Variants in NRCAM observed in about 807,000 individuals in gnomAD.
The protein encoded by NRCAM is NgCAM-related cell adhesion molecule.
A neutral mutation model predicts 156.5 loss-of-function variants in NRCAM; 83 were observed. That is an observed-to-expected ratio of 0.53 (90% CI 0.44 to 0.64). The LOEUF is 0.64. Among genes scored for constraint, NRCAM ranks in the 30% least tolerant of loss-of-function variants. NRCAM has a pLI of 0.00. For missense variants in NRCAM, 1,417 were observed against 1,597.3 expected, an observed-to-expected ratio of 0.89 and a Z score of 1.92; for synonymous variants, 538 against 563.9, an observed-to-expected ratio of 0.95 and a Z score of 0.65.
intron 31 of NRCAM, 76 bp from the exon 32 acceptor site, chr7:108,159,617 G>T: frequency 1.8e-6 from 2 of 1,083,194 alleles, no homozygotes; most frequent in South Asian, 1.3e-5. Context: ...AGCATTCTTT[G>T]AGATATACAG....
chr7:108,375,326 T>A (rs764384194), intron 2 of NRCAM, among the ~76,000 whole-genome samples: 1 of 148,000 alleles, frequency 6.8e-6, no homozygotes, highest in Non-Finnish European at 1.5e-5. Flanking sequence ...CCCCCAAAAA[T>A]AATTAATAAT....
At chr7:108,408,802 A>G (rs1791630825) in intron 1 of NRCAM, among the ~76,000 whole-genome samples, 1 of 152,216 alleles carries the variant, frequency 6.6e-6, no homozygotes, top group Non-Finnish European at 1.5e-5. Context: ...ACTCCCTGAA[A>G]GGGATTAGAA....
At chr7:108,322,829 A>T (rs1329767128) in intron 2 of NRCAM, among the ~76,000 whole-genome samples, 1 of 152,224 alleles carries the variant, frequency 6.6e-6, no homozygotes, top group Non-Finnish European at 1.5e-5. Flanking sequence ...AAAGCTGCCC[A>T]TTTAAAGAGG....
chr7:108,225,606 A>G lies in NRCAM; in HGVS notation c.778+39T>C, dbSNP rs139580930. The stretch of plus-strand genomic sequence containing the variant: ...TGAAGTTAGTGAACTAAATTCTACA[A>G]TGAAGGAGAGAATATCAGTTACAAT... On this transcript the variant is annotated intron_variant, in intron 10 of 32. Transcript: ENST00000379028. The G allele has an allele frequency of 2.1e-3, 2,721 of 1,271,388 alleles. 44 individuals are homozygous for G. The African/African-American group carries it at 0.033, about 15-fold the overall frequency. 78.8% of individuals were successfully genotyped at this position (1,271,388 alleles called of 1,614,324 possible).
rs776631940 is a variant in NRCAM, at chr7:108,425,946, G to A, written c.-331-26353C>T. ...CCACTATTGCTCCTGGCTTTCTTTC[G>A]AGTCTAGAGCAACTGGCCTAAACTG... is the stretch of plus-strand genomic sequence containing the variant. On this transcript the variant is annotated intron_variant, in intron 1 of 32. Coordinates refer to ENST00000379028, the MANE Select transcript of NRCAM (RefSeq NM_001037132.4). 1.2e-4 allele frequency among the ~76,000 whole-genome samples: 18 copies of A among 152,288 alleles called. No individual in the cohort carries two copies. In the South Asian group the frequency reaches 3.1e-3, roughly 26 times the overall value.
chr7:108,280,662 A>C (rs2097822073), intron 3 of NRCAM, among the ~76,000 whole-genome samples: 1 of 152,232 alleles, frequency 6.6e-6, no homozygotes, highest in African/African-American at 2.4e-5. Context: ...ACCGTTGTCC[A>C]TTTTTAACTG....
At chr7:108,293,474 G>A (rs929933789) in intron 3 of NRCAM, among the ~76,000 whole-genome samples, 6 of 152,144 alleles carry the variant, frequency 3.9e-5, no homozygotes, top group Admixed American at 3.9e-4. Flanking sequence ...TTTTAAATCT[G>A]CTAAATTGAC....
intron 3 of NRCAM, among the ~76,000 whole-genome samples, chr7:108,286,678 T>C (rs1389276188): frequency 6.6e-6 from 1 of 152,124 alleles, no homozygotes; most frequent in Non-Finnish European, 1.5e-5. Context: ...AGCTATTAAG[T>C]GGAAGAACCA....
chr7:108,193,805 A>T lies in NRCAM; in HGVS notation c.1778+219T>A, dbSNP rs1454951394. On this transcript the variant is annotated intron_variant, in intron 17 of 32. Coordinates refer to ENST00000379028, the MANE Select transcript of NRCAM (RefSeq NM_001037132.4). ...TGAATTACACAAGAGACCAGCACGC[A>T]AAGATAGACAAACATTCTCAGGGTC... Among the ~76,000 whole-genome samples, 5 of 152,220 alleles carry T rather than the reference A, an allele frequency of 3.3e-5. No individual in the cohort carries two copies. In the East Asian group the frequency reaches 7.7e-4, roughly 23 times the overall value.
chr7:108,419,698 A>G (rs1806632402), intron 1 of NRCAM, among the ~76,000 whole-genome samples: 1 of 152,250 alleles, frequency 6.6e-6, no homozygotes, highest in African/African-American at 2.4e-5. Context: ...TCCACACACA[A>G]AATTCCTTTA....
chr7:108,248,394 A>G (rs1157292635), intron 3 of NRCAM, among the ~76,000 whole-genome samples: 1 of 152,052 alleles, frequency 6.6e-6, no homozygotes, highest in Non-Finnish European at 1.5e-5. Context: ...CGCAGTGTAC[A>G]GGTCAAAATC....
intron 2 of NRCAM, among the ~76,000 whole-genome samples, chr7:108,391,694 T>G (rs1455316922): frequency 6.6e-6 from 1 of 152,194 alleles, no homozygotes; most frequent in East Asian, 1.9e-4. Flanking sequence ...ATTTGGCATG[T>G]TTTTGCAGTG....
At chr7:108,200,804 C>T (rs1031202593) in intron 13 of NRCAM, among the ~76,000 whole-genome samples, 35 of 149,840 alleles carry the variant, frequency 2.3e-4, no homozygotes, top group Non-Finnish European at 8.9e-5. Flanking sequence ...ACTACTCAGC[C>T]ATACAAAGAA....
At chr7:108,252,709 A>T (rs1021628162) in intron 3 of NRCAM, among the ~76,000 whole-genome samples, 12 of 152,190 alleles carry the variant, frequency 7.9e-5, no homozygotes, top group South Asian at 2.1e-4. Flanking sequence ...GTTCTTCTGT[A>T]CAGATTTTAT....
chr7:108,158,849 A>G (rs2047079675), intron 32 of NRCAM, among the ~76,000 whole-genome samples: 3 of 152,288 alleles, frequency 2.0e-5, no homozygotes, highest in Admixed American at 2.0e-4. Context: ...TTTTTAAAAA[A>G]TTTAGCACAT....
chr7:108,245,931 G>A (rs941278064), intron 3 of NRCAM, among the ~76,000 whole-genome samples: 4 of 150,854 alleles, frequency 2.7e-5, no homozygotes, highest in Non-Finnish European at 4.4e-5. Context: ...AGAGATCTAA[G>A]ACAAATGATG....
At chr7:108,184,388 AC>A in intron 21 of NRCAM, 28 bp downstream of exon 21, 1 of 1,613,754 alleles carries the variant, frequency 6.2e-7, no homozygotes, top group Non-Finnish European at 8.5e-7. Flanking sequence ...TATATTTCGT[AC>A]CCTAGAAGTC....
At position 108,298,509 on chromosome 7, in the gene NRCAM, C is replaced by T. The variant is rs540742986; in HGVS notation, c.-107+14156G>A. The stretch of plus-strand genomic sequence containing the variant: ...AAATACAAAAAAAAAAAAAATTAGC[C>T]GGGTGTGGTGCTGGACGCCTATAGT... On this transcript the variant is annotated intron_variant, in intron 3 of 32. Transcript: ENST00000379028. Among the ~76,000 whole-genome samples, 220 of 151,396 alleles carry T rather than the reference C, an allele frequency of 1.5e-3. 2 individuals carry two copies. Among genetic ancestry groups the T allele is most frequent in the Admixed American group, 5.3e-3 (80 of 15,204 alleles).
intron 26 of NRCAM, 49 bp from the exon 27 acceptor site, chr7:108,176,655 G>A (rs1586503767): frequency 7.4e-7 from 1 of 1,356,734 alleles, no homozygotes; most frequent in East Asian, 2.3e-5. Context: ...AACTGCTATA[G>A]GAATACTATT....
Sources: allele counts gnomAD v4.1 joint callset (sites outside exome capture counted in the v4.1 genomes callset), GRCh38; gene constraint gnomAD v4.1.1; transcripts MANE v1.5; gene names NCBI Gene and HGNC (gene_info 2026-07-23, HGNC 2026-07-21).